The following CLNK variants were observed in gnomAD, a reference collection of about 807,000 sequenced individuals.
The protein encoded by CLNK is cytokine dependent hematopoietic cell linker, also known as cytokine-dependent hematopoietic cell linker.
CLNK carries 74 observed loss-of-function variants against 68.6 expected under a neutral mutation model. The observed-to-expected ratio is 1.08, with a 90% CI of 0.89 to 1.31. The LOEUF (loss-of-function observed/expected upper bound fraction) is 1.31. Among genes scored for constraint, CLNK ranks in the 50% most tolerant of loss-of-function variants. The pLI is 0.00. For missense variants in CLNK, 553 were observed against 515.3 expected (o/e 1.07, Z -0.71); for synonymous variants, 198 against 172.2 (o/e 1.15, Z -1.17).
intron 3 of CLNK, among the ~76,000 whole-genome samples, chr4:10,594,613 T>C (rs548926226): frequency 3.9e-5 from 6 of 152,214 alleles, no homozygotes; most frequent in African/African-American, 7.2e-5. Flanking sequence ...CTCACTGTTA[T>C]AGATGTGGCT....
At chr4:10,640,996 G>A (rs879299837) in intron 2 of CLNK, among the ~76,000 whole-genome samples, 5 of 152,264 alleles carry the variant, frequency 3.3e-5, no homozygotes, top group Admixed American at 6.5e-5. Flanking sequence ...ACCCTCAACC[G>A]CTGAGCATGT....
chr4:10,690,211 T>C, the CLNK span, among the ~76,000 whole-genome samples: 1 of 152,132 alleles, frequency 6.6e-6, no homozygotes, highest in Non-Finnish European at 1.5e-5. Flanking sequence ...GTGTTCCTAC[T>C]TTACTCTCTC....
intron 4 of CLNK, among the ~76,000 whole-genome samples, chr4:10,581,812 A>G (rs1167707726): frequency 6.6e-6 from 1 of 152,122 alleles, no homozygotes; most frequent in African/African-American, 2.4e-5. Context: ...ATGAAATAAT[A>G]GAGACATTTG....
chr4:10,517,325 C>T (rs938415399), intron 15 of CLNK: 2 of 151,908 alleles, frequency 1.3e-5, no homozygotes, highest in Non-Finnish European at 2.9e-5. Flanking sequence ...AAATAGGAGG[C>T]ACAACATAAT....
chr4:10,540,627 G>A (rs757518386), intron 10 of CLNK, 23 bp from the exon 11 acceptor site: 1 of 1,564,006 alleles, frequency 6.4e-7, no homozygotes, highest in South Asian at 1.1e-5. Flanking sequence ...TCGCAGTAGG[G>A]TCCTGAGAAA....
At chr4:10,600,792 C>G (rs191905274) in intron 2 of CLNK, among the ~76,000 whole-genome samples, 1 of 152,286 alleles carries the variant, frequency 6.6e-6, no homozygotes, top group Non-Finnish European at 1.5e-5. Flanking sequence ...CTGGCCTATC[C>G]CTGCACTGAG....
At chr4:10,605,788 A>G (rs1721764215) in intron 2 of CLNK, among the ~76,000 whole-genome samples, 1 of 148,620 alleles carries the variant, frequency 6.7e-6, no homozygotes, top group African/African-American at 2.5e-5. Flanking sequence ...AGATCACACC[A>G]CTGCACTGTA....
At chr4:10,574,439 A>G (rs1333525840) in intron 4 of CLNK, among the ~76,000 whole-genome samples, 1 of 152,034 alleles carries the variant, frequency 6.6e-6, no homozygotes, top group Non-Finnish European at 1.5e-5. Flanking sequence ...ATCAGCCTCC[A>G]TATCTCATCC....
At chr4:10,493,397 T>C (rs1001424969) in intron 18 of CLNK, among the ~76,000 whole-genome samples, 8 of 152,264 alleles carry the variant, frequency 5.3e-5, no homozygotes, top group Admixed American at 4.6e-4. Context: ...TTCTGGAGTC[T>C]GGGGAGTCCA....
the CLNK span, among the ~76,000 whole-genome samples, chr4:10,712,588 C>T: frequency 6.6e-6 from 1 of 152,188 alleles, no homozygotes; most frequent in Non-Finnish European, 1.5e-5. Flanking sequence ...AGCCACAAGT[C>T]TGAAATTATA....
chr4:10,607,095 G>A (rs188199232), intron 2 of CLNK, among the ~76,000 whole-genome samples: 1 of 152,194 alleles, frequency 6.6e-6, no homozygotes, highest in African/African-American at 2.4e-5. Context: ...TCACTTCAAT[G>A]AACAGACTCT....
chr4:10,531,930 T>G (rs1718560198), intron 12 of CLNK, among the ~76,000 whole-genome samples: 1 of 152,244 alleles, frequency 6.6e-6, no homozygotes. Flanking sequence ...CAATACCATT[T>G]CTAACACTTG....
At chr4:10,618,505 G>A (rs1244971571) in intron 2 of CLNK, among the ~76,000 whole-genome samples, 4 of 152,182 alleles carry the variant, frequency 2.6e-5, no homozygotes, top group Non-Finnish European at 5.9e-5. Flanking sequence ...ACTTTAAAAT[G>A]GGTGAATTAT....
At chr4:10,550,289 C>G (rs538460975) in intron 8 of CLNK, among the ~76,000 whole-genome samples, 2 of 152,142 alleles carry the variant, frequency 1.3e-5, no homozygotes, top group South Asian at 2.1e-4. Flanking sequence ...GTCGGGAGAT[C>G]GAGACCATCC....
At chr4:10,493,350 C>A (rs141981801) in intron 18 of CLNK, among the ~76,000 whole-genome samples, 13 of 152,126 alleles carry the variant, frequency 8.5e-5, no homozygotes, top group East Asian at 5.8e-4. Context: ...TACTATAAAC[C>A]TGGCAGCTTA....
At chr4:10,644,721 A>C (rs1723443410) in intron 2 of CLNK, among the ~76,000 whole-genome samples, 1 of 152,262 alleles carries the variant, frequency 6.6e-6, no homozygotes, top group Admixed American at 6.5e-5. Context: ...TCAAATTTTA[A>C]AACAAAAACA....
At chr4:10,516,100 T>A (rs553589687) in intron 15 of CLNK, among the ~76,000 whole-genome samples, 1 of 151,666 alleles carries the variant, frequency 6.6e-6, no homozygotes, top group Non-Finnish European at 1.5e-5. Flanking sequence ...AAACATGGAG[T>A]GAAGTATAAG....
intron 8 of CLNK, among the ~76,000 whole-genome samples, chr4:10,548,886 G>C (rs564184869): frequency 1.3e-5 from 2 of 152,244 alleles, no homozygotes; most frequent in South Asian, 4.1e-4. Flanking sequence ...GTGCATGTTT[G>C]GTGTACCACT....
chr4:10,694,641 C>T, the CLNK span, among the ~76,000 whole-genome samples: 1 of 152,114 alleles, frequency 6.6e-6, no homozygotes, highest in Non-Finnish European at 1.5e-5. Flanking sequence ...TGTAAATACA[C>T]TCTACAATGT....
Sources: allele counts gnomAD v4.1 joint callset (sites outside exome capture counted in the v4.1 genomes callset), GRCh38; gene constraint gnomAD v4.1.1; transcripts MANE v1.5; gene names NCBI Gene and HGNC (gene_info 2026-07-23, HGNC 2026-07-21).